RNF150: variants seen among roughly 807,000 people sequenced by gnomAD.
RNF150 encodes ring finger protein 150.
A neutral mutation model predicts 39.3 loss-of-function variants in RNF150; 24 were observed. The ratio of observed to expected loss-of-function variants is 0.61; its 90% CI spans 0.44 to 0.86. The LOEUF is 0.86. Among genes scored for constraint, RNF150 ranks in the 40% least tolerant of loss-of-function variants. The probability of loss-of-function intolerance (pLI) is 0.00; values close to 1 mark genes in which losing one functional copy is unlikely to be tolerated. For missense variants in RNF150, 502 were observed against 587.8 expected, an observed-to-expected ratio of 0.85 and a Z score of 1.51; for synonymous variants, 255 against 227.3, an observed-to-expected ratio of 1.12 and a Z score of -1.10.
intron 6 of RNF150, among the ~76,000 whole-genome samples, chr4:140,894,321 A>T (rs1729861479): frequency 6.6e-6 from 1 of 152,212 alleles, no homozygotes; most frequent in Admixed American, 6.5e-5. Context: ...TTAACTTCTG[A>T]TGAGGTCTTC....
intron 1 of RNF150, among the ~76,000 whole-genome samples, chr4:141,044,388 A>G (rs1459345883): frequency 6.6e-6 from 1 of 152,216 alleles, no homozygotes; most frequent in Non-Finnish European, 1.5e-5. Context: ...CAAAATGGTA[A>G]TCTTTATAAA....
At chr4:141,020,722 G>A (rs547618073) in intron 1 of RNF150, among the ~76,000 whole-genome samples, 3 of 152,132 alleles carry the variant, frequency 2.0e-5, no homozygotes, top group East Asian at 3.9e-4. Flanking sequence ...TTACAGTCAG[G>A]CTGATGCTAG....
chr4:141,136,463 G>C (rs1208036817), upstream of RNF150, among the ~76,000 whole-genome samples: 2 of 152,128 alleles, frequency 1.3e-5, no homozygotes, highest in African/African-American at 2.4e-5. Flanking sequence ...AGTTTTTGAG[G>C]GGACATTAAT....
chr4:141,078,772 A>T (rs1454697522), intron 1 of RNF150, among the ~76,000 whole-genome samples: 1 of 136,844 alleles, frequency 7.3e-6, no homozygotes, highest in Non-Finnish European at 1.5e-5. Context: ...CCTGGGCGAC[A>T]GAGCGAAACT....
At chr4:140,900,327 G>C (rs147963312) in intron 6 of RNF150, among the ~76,000 whole-genome samples, 1 of 152,256 alleles carries the variant, frequency 6.6e-6, no homozygotes, top group Non-Finnish European at 1.5e-5. Context: ...TCTAGGAATT[G>C]ACACTAATGG....
At chr4:141,076,522 T>C (rs1179238997) in intron 1 of RNF150, among the ~76,000 whole-genome samples, 1 of 151,714 alleles carries the variant, frequency 6.6e-6, no homozygotes, top group Non-Finnish European at 1.5e-5. Context: ...TCAAGTATAA[T>C]GTCAAGCCTT....
At chr4:141,086,486 A>G (rs1738371152) in intron 1 of RNF150, among the ~76,000 whole-genome samples, 2 of 152,048 alleles carry the variant, frequency 1.3e-5, no homozygotes, top group African/African-American at 4.8e-5. Flanking sequence ...TGATAAGGCC[A>G]GCTTGCTTTT....
At chr4:141,029,060 G>T (rs901357821) in intron 1 of RNF150, among the ~76,000 whole-genome samples, 10 of 152,124 alleles carry the variant, frequency 6.6e-5, no homozygotes, top group Non-Finnish European at 1.3e-4. Flanking sequence ...TATTTTTACA[G>T]CTATTCTCAC....
chr4:140,933,087 A>C (rs917291353), intron 4 of RNF150, among the ~76,000 whole-genome samples: 5 of 152,222 alleles, frequency 3.3e-5, no homozygotes, highest in African/African-American at 1.2e-4. Context: ...GTGCTTCATT[A>C]GTAAGTGTTC....
chr4:140,907,526 T>A (rs553814915), intron 6 of RNF150, among the ~76,000 whole-genome samples: 15 of 152,294 alleles, frequency 9.8e-5, no homozygotes, highest in African/African-American at 2.6e-4. Flanking sequence ...GACCTTGACA[T>A]GCATTTGATC....
At chr4:141,005,884 C>G (rs1252350199) in intron 1 of RNF150, among the ~76,000 whole-genome samples, 1 of 135,170 alleles carries the variant, frequency 7.4e-6, no homozygotes, top group Non-Finnish European at 1.7e-5. Flanking sequence ...CCGGCTAAAA[C>G]GGTGAAACCC....
chr4:141,212,148 G>A (rs747015511), intron 1 of RNF150, among the ~76,000 whole-genome samples: 1 of 152,150 alleles, frequency 6.6e-6, no homozygotes, highest in Non-Finnish European at 1.5e-5. Context: ...TAGGCTCAAG[G>A]AGCAGGCAGG....
intron 6 of RNF150, among the ~76,000 whole-genome samples, chr4:140,907,853 T>C (rs978986200): frequency 6.6e-6 from 1 of 152,130 alleles, no homozygotes; most frequent in Admixed American, 6.5e-5. Flanking sequence ...AAGATGAAGA[T>C]AAAAATAATA....
intron 1 of RNF150, among the ~76,000 whole-genome samples, chr4:141,193,044 T>A (rs1161295439): frequency 6.6e-6 from 1 of 152,224 alleles, no homozygotes; most frequent in Non-Finnish European, 1.5e-5. Context: ...GGTCTGTCAT[T>A]TTATGTCACT....
chr4:141,147,579 G>A (rs942967659), intron 1 of RNF150, among the ~76,000 whole-genome samples: 3 of 152,170 alleles, frequency 2.0e-5, no homozygotes, highest in Non-Finnish European at 4.4e-5. Context: ...AATGGATTTT[G>A]GTGAAAACAT....
intron 6 of RNF150, among the ~76,000 whole-genome samples, chr4:140,900,229 C>T (rs1730141165): frequency 6.6e-6 from 1 of 152,112 alleles, no homozygotes; most frequent in South Asian, 2.1e-4. Flanking sequence ...GGTCATTATG[C>T]TCAAAACACT....
chr4:141,050,202 A>C (rs1346799991), intron 1 of RNF150, among the ~76,000 whole-genome samples: 9 of 152,106 alleles, frequency 5.9e-5, no homozygotes, highest in Admixed American at 2.0e-4. Context: ...AAGAAATGAA[A>C]CTGGTTGTGT....
rs1011500937 is a variant in RNF150, at chr4:141,132,927, C to A, written c.-119G>T. 1.3e-6 allele frequency: 1 copy of A among 796,888 alleles called. No homozygotes were observed. Among genetic ancestry groups the A allele is most frequent in the South Asian group, 1.9e-5 (1 of 51,912 alleles). 49.4% of individuals were successfully genotyped at this position (796,888 alleles called of 1,614,324 possible). A position where few individuals can be genotyped will look rare whatever the true frequency, so the allele number is the denominator to read the frequency against. On this transcript the variant is annotated 5_prime_UTR_variant, in exon 1 of 7. Coordinates refer to ENST00000515673, the MANE Select transcript of RNF150 (RefSeq NM_020724.2). This position sits in a 1 kb window ranked among gnomAD's most constrained non-coding sequence, Gnocchi z 4.9. ...CTCCTGCTGCTGCTCACTCCCGGGCCGGAGGGGCCGCGGCCGGGACGCGCA... is the reference window on the plus strand; with the variant it reads ...CTCCTGCTGCTGCTCACTCCCGGGCAGGAGGGGCCGCGGCCGGGACGCGCA...
chr4:141,161,073 G>T (rs1014282165), intron 1 of RNF150, among the ~76,000 whole-genome samples: 8 of 152,196 alleles, frequency 5.3e-5, no homozygotes, highest in Non-Finnish European at 7.3e-5. Flanking sequence ...TGATAGGAAG[G>T]TGAGGGAAAA....
Sources: gnomAD v4.1 joint callset for allele counts (sites outside exome capture counted in the v4.1 genomes callset) on GRCh38, gnomAD v4.1.1 for gene constraint, Gnocchi (gnomAD v3.1) non-coding constraint, MANE v1.5 for transcripts, NCBI Gene and HGNC (gene_info 2026-07-23, HGNC 2026-07-21) for gene names.